NFATC1: variants seen among roughly 807,000 people sequenced by gnomAD.
NFATC1 encodes the protein nuclear factor of activated T cells 1, also known as nuclear factor of activated T-cells, cytoplasmic 1.
NFATC1 carries 22 observed loss-of-function variants against 76.0 expected under a neutral mutation model. That is an observed-to-expected ratio of 0.29 (90% CI 0.21 to 0.41). The LOEUF is 0.41. Among genes scored for constraint, NFATC1 ranks in the 10% least tolerant of loss-of-function variants. NFATC1 has a pLI of 1.00. For missense variants in NFATC1, 1,357 were observed against 1,337.7 expected (o/e 1.01, Z -0.23); for synonymous variants, 704 against 613.1 (o/e 1.15, Z -2.19).
chr18:79,499,029 G>GCT (rs1395427877), intron 9 of NFATC1, among the ~76,000 whole-genome samples: 1 of 152,188 alleles, frequency 6.6e-6, no homozygotes, highest in Non-Finnish European at 1.5e-5. Flanking sequence ...AGTCCTTCAG[G>GCT]CTGAGGTAAG....
At chr18:79,400,676 G>A (rs2085175537) in intron 1 of NFATC1, among the ~76,000 whole-genome samples, 1 of 60,948 alleles carries the variant, frequency 1.6e-5, no homozygotes, top group Admixed American at 2.2e-4. Context: ...CGCTCGCGGC[G>A]GGGTCCTGGG....
At chr18:79,433,527 C>T (rs577339547) in intron 2 of NFATC1, 52 bp from the exon 3 acceptor site, 34 of 1,608,854 alleles carry the variant, frequency 2.1e-5, no homozygotes, top group African/African-American at 1.1e-4. Flanking sequence ...ACGTGTGGCC[C>T]GGGCGAGGTC....
At chr18:79,463,689 G>A (rs912861917) in intron 7 of NFATC1, among the ~76,000 whole-genome samples, 2 of 152,228 alleles carry the variant, frequency 1.3e-5, no homozygotes, top group Admixed American at 6.5e-5. Flanking sequence ...TCTGTGCTGG[G>A]TACACTGACA....
intron 3 of NFATC1, among the ~76,000 whole-genome samples, chr18:79,439,314 T>C (rs974020566): frequency 6.6e-6 from 1 of 152,162 alleles, no homozygotes; most frequent in Non-Finnish European, 1.5e-5. Flanking sequence ...AGCTGTGCTA[T>C]TGCAGAACCT....
At chr18:79,424,781 C>G (rs1197648880) in intron 2 of NFATC1, among the ~76,000 whole-genome samples, 13 of 135,672 alleles carry the variant, frequency 9.6e-5, no homozygotes, top group Admixed American at 3.0e-4. Context: ...CTCTCTGTCT[C>G]TCTGTCTCTG....
chr18:79,458,923 T>C (rs1327416296), intron 6 of NFATC1, among the ~76,000 whole-genome samples: 1 of 152,256 alleles, frequency 6.6e-6, no homozygotes, highest in Non-Finnish European at 1.5e-5. Flanking sequence ...TGAATACTAT[T>C]GCTTTTGAAA....
chr18:79,526,553 C>T (rs1312237845), intron 9 of NFATC1, among the ~76,000 whole-genome samples: 1 of 152,250 alleles, frequency 6.6e-6, no homozygotes, highest in African/African-American at 2.4e-5. Flanking sequence ...GTCTCTGGCC[C>T]CGCAGAGCCT....
At chr18:79,443,023 T>A (rs374928360) in intron 3 of NFATC1, among the ~76,000 whole-genome samples, 1 of 152,142 alleles carries the variant, frequency 6.6e-6, no homozygotes, top group Non-Finnish European at 1.5e-5. Flanking sequence ...AAGAGACTTA[T>A]GTTGAAACAG....
chr18:79,515,039 C>T (rs774813034), intron 9 of NFATC1, among the ~76,000 whole-genome samples: 6 of 151,860 alleles, frequency 4.0e-5, no homozygotes, highest in Admixed American at 1.3e-4. Flanking sequence ...CAGAGCAAGA[C>T]GCTGATTCTA....
rs1232732185 is a variant in NFATC1, at chr18:79,466,226, T to C, written c.1960-1224T>C. ...AACACTCTTAAGATTTCATTGTTAA[T>C]GTGATTCAATCAATTTGGCTAAGTT... On this transcript the variant is annotated intron_variant, in intron 7 of 9. Coordinates refer to ENST00000427363, the MANE Select transcript of NFATC1 (RefSeq NM_001278669.2). Among the ~76,000 whole-genome samples the C allele has an allele frequency of 2.0e-5, 3 of 152,364 alleles. 1 individual carries two copies. The highest frequency in any genetic ancestry group is 4.1e-4 in the South Asian group (2 of 4,830).
chr18:79,451,590 TCACGTGTGACCTGCTGGGTGCCA>T (rs2087475367), intron 5 of NFATC1, 63 bp from the exon 6 acceptor site: 8 of 1,379,618 alleles, frequency 5.8e-6, no homozygotes, highest in Non-Finnish European at 7.5e-6. Flanking sequence ...GTGGGTCGGC[TCACGTGTGACCTGCTGGGTGCCA>T]CACGTGTGCC....
At chr18:79,436,691 G>A (rs187456067) in intron 3 of NFATC1, among the ~76,000 whole-genome samples, 4 of 152,322 alleles carry the variant, frequency 2.6e-5, no homozygotes, top group African/African-American at 9.6e-5. Context: ...TTGCTCCTCT[G>A]GATAGGTGCT....
rs150712125 is a variant in NFATC1 at position 79,406,584 on chromosome 18, C to T, written c.128-3819C>T. ...GCGAGAGGGCTTCTAGACAAATAAG[C>T]GGGCCCAGCAGTAAGTGTGGGTGTG... On this transcript the variant is annotated intron_variant, in intron 1 of 9. Transcript: ENST00000427363. Among the ~76,000 whole-genome samples, 231 of 152,328 alleles carry T rather than the reference C, an allele frequency of 1.5e-3. 6 individuals are homozygous for T. The East Asian group carries it at 0.035, about 23-fold the overall frequency.
intron 4 of NFATC1, among the ~76,000 whole-genome samples, chr18:79,449,726 G>A (rs1287620423): frequency 6.6e-6 from 1 of 152,222 alleles, no homozygotes; most frequent in African/African-American, 2.4e-5. Context: ...GGGAGCCCGT[G>A]TGATGGGGAA....
chr18:79,482,653 G>C (rs1182739605), intron 8 of NFATC1, among the ~76,000 whole-genome samples: 3 of 128,124 alleles, frequency 2.3e-5, no homozygotes, highest in Admixed American at 8.4e-5. Context: ...TTCCTGGGGT[G>C]TAATTCCAGC....
Position 79,527,659 on chromosome 18 carries a change from C to A in NFATC1, c.*82C>A. 8.2e-7 allele frequency: 1 copy of A among 1,221,696 alleles called. No homozygotes were observed. The highest frequency in any genetic ancestry group is 1.2e-6 in the Non-Finnish European group (1 of 827,886). 75.7% of individuals were successfully genotyped at this position (1,221,696 alleles called of 1,614,324 possible). A position where few individuals can be genotyped will look rare whatever the true frequency, so the allele number is the denominator to read the frequency against. ...CTTTTGAATAAATAAACTGAACTCA[C>A]ACCTGGTACCACTCAGAACCTCCAA... On this transcript the variant is annotated 3_prime_UTR_variant, in exon 10 of 10. Transcript: ENST00000427363.
rs550560666 is a variant in NFATC1 at position 79,474,969 on chromosome 18, G to A, written c.2092+7387G>A. Among the ~76,000 whole-genome samples, 59 of 127,396 alleles carry A rather than the reference G, an allele frequency of 4.6e-4. 5 individuals carry two copies. Among genetic ancestry groups the A allele is most frequent in the African/African-American group, 1.8e-3 (46 of 26,006 alleles). The allele number at this position is 127,396 out of a possible 152,430, so 83.6% of individuals were successfully genotyped here. ...GAAGCGTGTTCTCACGCTCACTGTC[G>A]ACGTAAACCTGAGGGAAGCGTGTTC... On this transcript the variant is annotated intron_variant, in intron 8 of 9. Transcript: ENST00000427363.
rs2090718586 is a variant in NFATC1, at chr18:79,524,979, C to T, written c.2783-2549C>T. Among the ~76,000 whole-genome samples, 1 of 151,934 alleles carries T rather than the reference C, an allele frequency of 6.6e-6. No homozygotes were observed. Among genetic ancestry groups the T allele is most frequent in the African/African-American group, 2.4e-5 (1 of 41,308 alleles). The stretch of plus-strand genomic sequence containing the variant: ...CCACCCTGTCACTGTCACCATCACC[C>T]ATCCTGTCCCCTCACGCCTCCCCAC... On this transcript the variant is annotated intron_variant, in intron 9 of 9. Coordinates refer to ENST00000427363, the MANE Select transcript of NFATC1 (RefSeq NM_001278669.2). This position sits in a 1 kb window ranked among gnomAD's most constrained non-coding sequence, Gnocchi z 7.2.
chr18:79,410,003 G>T lies in NFATC1; in HGVS notation c.128-400G>T. On this transcript the variant is annotated intron_variant, in intron 1 of 9. Coordinates refer to ENST00000427363, the MANE Select transcript of NFATC1 (RefSeq NM_001278669.2). This position sits in a 1 kb window ranked among gnomAD's most constrained non-coding sequence, Gnocchi z 6.7. ...TTGAGGAAGGTGGTTTTTGAATGAA[G>T]AGCGGAACCCGTGAGGACCCAGTCG... is the stretch of plus-strand genomic sequence containing the variant. The T allele has an allele frequency of 1.8e-6, 1 of 557,126 alleles. No individual in the cohort carries two copies. Among genetic ancestry groups the T allele is most frequent in the Admixed American group, 1.9e-5 (1 of 52,162 alleles). 34.5% of individuals were successfully genotyped at this position (557,126 alleles called of 1,614,324 possible).
Sources: allele counts gnomAD v4.1 joint callset (sites outside exome capture counted in the v4.1 genomes callset), GRCh38; gene constraint gnomAD v4.1.1; non-coding constraint Gnocchi (gnomAD v3.1); transcripts MANE v1.5; gene names NCBI Gene and HGNC (gene_info 2026-07-23, HGNC 2026-07-21).